The following NRG3 variants were observed in gnomAD, a reference collection of about 807,000 sequenced individuals.
The protein encoded by NRG3 is neuregulin 3.
NRG3 carries 31 observed loss-of-function variants against 66.9 expected under a neutral mutation model. The ratio of observed to expected loss-of-function variants is 0.46; its 90% CI spans 0.35 to 0.63. The LOEUF is 0.63. NRG3 is among the 20% of genes least tolerant of loss of function. The pLI, the probability that NRG3 is intolerant of heterozygous loss-of-function variation, is 0.00. For synonymous variants in NRG3, 393 were observed against 359.4 expected, an observed-to-expected ratio of 1.09 and a Z score of -1.06; for missense variants, 910 against 878.9, an observed-to-expected ratio of 1.04 and a Z score of -0.45.
At chr10:82,634,728 G>A (rs2050070008) in intron 2 of NRG3, among the ~76,000 whole-genome samples, 1 of 152,178 alleles carries the variant, frequency 6.6e-6, no homozygotes, top group Admixed American at 6.5e-5. Context: ...GAACCAGTAA[G>A]TGATTAAAGT....
chr10:82,785,304 C>T (rs936940134), intron 3 of NRG3, among the ~76,000 whole-genome samples: 49 of 150,546 alleles, frequency 3.3e-4, no homozygotes, highest in African/African-American at 9.3e-4. Flanking sequence ...TGTATACATA[C>T]GTAACTAACC....
At chr10:81,934,140 A>G (rs889702073) in intron 1 of NRG3, among the ~76,000 whole-genome samples, 2 of 152,212 alleles carry the variant, frequency 1.3e-5, no homozygotes, top group African/African-American at 4.8e-5. Flanking sequence ...ACAACAACTA[A>G]TAACCAGGTT....
At chr10:82,830,864 C>T (rs1453762689) in intron 3 of NRG3, among the ~76,000 whole-genome samples, 1 of 151,992 alleles carries the variant, frequency 6.6e-6, no homozygotes, top group Non-Finnish European at 1.5e-5. Context: ...TGAACAAGAC[C>T]ATCAAGGAAA....
At chr10:82,516,374 C>A (rs1845659007) in intron 2 of NRG3, among the ~76,000 whole-genome samples, 1 of 152,062 alleles carries the variant, frequency 6.6e-6, no homozygotes. Flanking sequence ...TTACTTTCTC[C>A]CAAGATCAGC....
At chr10:82,381,818 A>G (rs1415424115) in intron 2 of NRG3, among the ~76,000 whole-genome samples, 1 of 152,148 alleles carries the variant, frequency 6.6e-6, no homozygotes, top group Non-Finnish European at 1.5e-5. Flanking sequence ...GTCACCTTTC[A>G]TAGCAAGAAG....
In NRG3 at chr10:82,869,859, C is replaced by T. The variant is rs191624905; in HGVS notation, c.1054+4422C>T. ...TCCTGACCTTGTGATCTGCCCGCCT[C>T]GGCCTCCCAAAGTGCTAGGATTACA... On this transcript the variant is annotated intron_variant, in intron 4 of 8. Coordinates refer to ENST00000372141, the MANE Select transcript of NRG3 (RefSeq NM_001010848.4). Among the ~76,000 whole-genome samples, 26 of 152,036 alleles carry T rather than the reference C, an allele frequency of 1.7e-4. 1 individual carries two copies. Among genetic ancestry groups the T allele is most frequent in the South Asian group, 4.1e-4 (2 of 4,820 alleles).
At chr10:82,722,265 C>T (rs1049489841) in intron 2 of NRG3, among the ~76,000 whole-genome samples, 10 of 152,120 alleles carry the variant, frequency 6.6e-5, no homozygotes, top group Non-Finnish European at 1.2e-4. Context: ...TCCACAATTC[C>T]ATGGTATTAG....
rs73308010 is a variant in NRG3 at position 82,453,022 on chromosome 10, G to A, written c.953+94154G>A. Among the ~76,000 whole-genome samples the A allele has an allele frequency of 5.6e-3, 847 of 152,200 alleles. 7 individuals carry two copies. Among genetic ancestry groups the A allele is most frequent in the African/African-American group, 0.02 (822 of 41,536 alleles). On this transcript the variant is annotated intron_variant, in intron 2 of 8. Transcript: ENST00000372141. The stretch of plus-strand genomic sequence containing the variant: ...GAGACAGTTCTATACTCTAAAAGAG[G>A]AGTATGAATCCTTAGTAGACAGTTT...
In NRG3 at chr10:82,772,118, G is replaced by A. The variant is rs193221573; in HGVS notation, c.1027+33468G>A. On this transcript the variant is annotated intron_variant, in intron 3 of 8. Coordinates refer to ENST00000372141, the MANE Select transcript of NRG3 (RefSeq NM_001010848.4). ...TGTCTACTTTTTTTCAAATTTTGAG[G>A]TAAGCTAATTTTATTCTTTTTTAAC... Among the ~76,000 whole-genome samples, 48 of 151,928 alleles carry A rather than the reference G, an allele frequency of 3.2e-4. 1 individual carries two copies. In the East Asian group the frequency reaches 7.0e-3, roughly 22 times the overall value.
At chr10:82,825,803 AAGTG>A (rs1181701147) in intron 3 of NRG3, among the ~76,000 whole-genome samples, 3 of 152,236 alleles carry the variant, frequency 2.0e-5, no homozygotes, top group African/African-American at 7.2e-5. Context: ...AATATTATAA[AAGTG>A]AGCCTATTAC....
At chr10:82,280,056 G>A (rs1322909008) in intron 1 of NRG3, among the ~76,000 whole-genome samples, 1 of 152,156 alleles carries the variant, frequency 6.6e-6, no homozygotes, top group Non-Finnish European at 1.5e-5. Context: ...AGGGGGATCA[G>A]TTCTGATTAA....
intron 1 of NRG3, among the ~76,000 whole-genome samples, chr10:82,255,217 C>T (rs187449135): frequency 3.3e-5 from 5 of 152,146 alleles, no homozygotes; most frequent in African/African-American, 4.8e-5. Flanking sequence ...CATGGGCCAT[C>T]CTATAAAATA....
At chr10:82,089,445 A>T (rs923600241) in intron 1 of NRG3, among the ~76,000 whole-genome samples, 1 of 152,062 alleles carries the variant, frequency 6.6e-6, no homozygotes, top group East Asian at 1.9e-4. Context: ...ATGGAGATGG[A>T]TATGGAAGAA....
At chr10:82,164,729 T>C (rs1216762299) in intron 1 of NRG3, among the ~76,000 whole-genome samples, 1 of 152,178 alleles carries the variant, frequency 6.6e-6, no homozygotes, top group African/African-American at 2.4e-5. Context: ...AAAAATGATA[T>C]TTTTGCTTAT....
At chr10:82,323,489 CTTT>C (rs112236835) in intron 1 of NRG3, among the ~76,000 whole-genome samples, 7 of 136,740 alleles carry the variant, frequency 5.1e-5, no homozygotes, top group Non-Finnish European at 8.0e-5. Context: ...ACATATTATC[CTTT>C]TTTTTTTTTT....
intron 8 of NRG3, among the ~76,000 whole-genome samples, chr10:82,983,949 G>C (rs1383797970): frequency 2.0e-5 from 3 of 152,214 alleles, no homozygotes; most frequent in Non-Finnish European, 4.4e-5. Flanking sequence ...CTCCCATCAT[G>C]TCCTTACAAT....
At chr10:82,561,604 G>GA (rs1421216308) in intron 2 of NRG3, among the ~76,000 whole-genome samples, 3 of 152,170 alleles carry the variant, frequency 2.0e-5, no homozygotes, top group African/African-American at 7.2e-5. Flanking sequence ...AGTGGGCCAA[G>GA]ATGGCACCAC....
At chr10:82,252,643 A>G (rs2077538393) in intron 1 of NRG3, among the ~76,000 whole-genome samples, 1 of 152,156 alleles carries the variant, frequency 6.6e-6, no homozygotes, top group Non-Finnish European at 1.5e-5. Context: ...CTATTTCCAA[A>G]GTATGGTGGT....
chr10:82,884,732 C>T (rs1842590634), intron 4 of NRG3, among the ~76,000 whole-genome samples: 1 of 152,070 alleles, frequency 6.6e-6, no homozygotes, highest in Non-Finnish European at 1.5e-5. Flanking sequence ...GTTGTAGAAC[C>T]AAATGGTTCT....
Sources: allele counts gnomAD v4.1 joint callset (sites outside exome capture counted in the v4.1 genomes callset), GRCh38; gene constraint gnomAD v4.1.1; transcripts MANE v1.5; gene names NCBI Gene and HGNC (gene_info 2026-07-23, HGNC 2026-07-21).